ADAM9: variants seen among roughly 807,000 people sequenced by gnomAD.
ADAM9 encodes the protein disintegrin and metalloproteinase domain-containing protein 9.
Under a neutral mutation model 108.1 loss-of-function variants are expected in ADAM9, and 54 were observed. The ratio of observed to expected loss-of-function variants is 0.50; its 90% CI spans 0.40 to 0.63. The LOEUF (loss-of-function observed/expected upper bound fraction) is 0.63. Ranked by LOEUF, ADAM9 falls within the 20% of genes least tolerant of loss-of-function variation. The pLI is 0.00. For synonymous variants in ADAM9, 316 were observed against 336.0 expected (o/e 0.94, Z 0.65); for missense variants, 830 against 997.7 (o/e 0.83, Z 2.26).
In ADAM9 at chr8:39,064,216, G is replaced by C. The variant is rs527481298; in HGVS notation, c.1592-7082G>C. Among the ~76,000 whole-genome samples, 43 of 152,246 alleles carry C rather than the reference G, an allele frequency of 2.8e-4. 1 individual carries two copies. In the South Asian group the frequency reaches 6.6e-3, roughly 23 times the overall value. On this transcript the variant is annotated intron_variant, in intron 14 of 21. Coordinates refer to ENST00000487273, the MANE Select transcript of ADAM9 (RefSeq NM_003816.3). The stretch of plus-strand genomic sequence containing the variant: ...GACTGCAATTACCATATCATGCCGT[G>C]AACTATCAGTGCTACGTTAACTTTT...
Position 39,104,639 on chromosome 8 carries a change from A to G in ADAM9, c.*939A>G, listed in dbSNP as rs1289894778. 1 of 445,782 alleles carries G rather than the reference A, an allele frequency of 2.2e-6. No homozygotes were observed. The highest frequency in any genetic ancestry group is 4.5e-6 in the Non-Finnish European group (1 of 224,212). 27.6% of individuals were successfully genotyped at this position (445,782 alleles called of 1,614,324 possible). ...AACTTTCAAAGCTTGCTATTAAATC[A>G]TTTAGAATGTTTACATTTACTAAGG... is the stretch of plus-strand genomic sequence containing the variant. On this transcript the variant is annotated 3_prime_UTR_variant, in exon 22 of 22. Coordinates refer to ENST00000487273, the MANE Select transcript of ADAM9 (RefSeq NM_003816.3).
At chr8:39,015,919 G>A (rs1055843031) in intron 4 of ADAM9, 199 bp from the exon 5 acceptor site, 2 of 570,468 alleles carry the variant, frequency 3.5e-6, no homozygotes, top group Non-Finnish European at 6.2e-6. Context: ...AAACATTTGT[G>A]TACTCATAGG....
rs183163569 is a variant in ADAM9, at chr8:39,078,238, G to A, written c.1881+827G>A. On this transcript the variant is annotated intron_variant, in intron 16 of 21. Transcript: ENST00000487273. ...TCCTTGCAACTAAATAAACTTGATC[G>A]TTGCAGCTGTTATAAACAATGATAA... 6.6e-5 allele frequency among the ~76,000 whole-genome samples: 10 copies of A among 151,898 alleles called. No homozygotes were observed. In the East Asian group the frequency reaches 9.7e-4, roughly 15 times the overall value.
rs749551951 is a variant in ADAM9, at chr8:39,016,141, T to C, written c.357T>C (p.Tyr119=). Residue 119 remains tyrosine, a synonymous_variant, in exon 5 of 22, where the codon TAT becomes TAC. Coordinates refer to ENST00000487273, the MANE Select transcript of ADAM9 (RefSeq NM_003816.3). ...NIQNHCHYRG[Y]VEGVHNSSIA... ...AGAATCATTGTCATTATCGGGGCTA[T>C]GTGGAGGGAGTTCATAATTCATCCA... The C allele has an allele frequency of 6.2e-7, 1 of 1,613,764 alleles. No homozygotes were observed. The highest frequency in any genetic ancestry group is 8.5e-7 in the Non-Finnish European group (1 of 1,179,814).
chr8:38,999,375 A>G (rs1490752042), intron 1 of ADAM9, among the ~76,000 whole-genome samples: 2 of 152,148 alleles, frequency 1.3e-5, no homozygotes, highest in Non-Finnish European at 2.9e-5. Flanking sequence ...TCATTGTAAA[A>G]AATAAGCGGA....
intron 11 of ADAM9, among the ~76,000 whole-genome samples, chr8:39,027,621 T>A (rs1028322176): frequency 3.3e-5 from 5 of 152,266 alleles, no homozygotes; most frequent in Non-Finnish European, 7.4e-5. Context: ...CCCATGGTGG[T>A]TGGGCATCAG....
intron 7 of ADAM9, among the ~76,000 whole-genome samples, chr8:39,020,167 C>G (rs1836688400): frequency 6.6e-6 from 1 of 152,094 alleles, no homozygotes; most frequent in African/African-American, 2.4e-5. Context: ...CGCCTGTGAT[C>G]CCAGAACCCG....
At chr8:39,039,862 G>A (rs1837403462) in intron 11 of ADAM9, among the ~76,000 whole-genome samples, 1 of 152,056 alleles carries the variant, frequency 6.6e-6, no homozygotes, top group Non-Finnish European at 1.5e-5. Flanking sequence ...TTTATGAGGT[G>A]GTGTTTTCAT....
At position 39,029,644 on chromosome 8, in the gene ADAM9, A is replaced by T. The variant is rs963267042; in HGVS notation, c.1130+2834A>T. 4.6e-5 allele frequency among the ~76,000 whole-genome samples: 7 copies of T among 152,212 alleles called. No homozygotes were observed. In the East Asian group the frequency reaches 1.3e-3, roughly 29 times the overall value. On this transcript the variant is annotated intron_variant, in intron 11 of 21. Transcript: ENST00000487273. ...CTTTTTGGCACCTGTTGAGATGATT[A>T]TGTGACTTTGATCCTTGATTCTGTT...
intron 11 of ADAM9, among the ~76,000 whole-genome samples, chr8:39,037,724 T>C (rs954888821): frequency 6.6e-6 from 1 of 152,174 alleles, no homozygotes; most frequent in Non-Finnish European, 1.5e-5. Flanking sequence ...GAAAACATTA[T>C]TGCATGTATA....
rs999587835 is a variant in ADAM9 at position 38,999,340 on chromosome 8, T to C, written c.97+2180T>C. ...AACTTTCAGTAAACTTTTTTTTTTT[T>C]TTTAAACTGACAAAGGTAACTGTGT... On this transcript the variant is annotated intron_variant, in intron 1 of 21. Coordinates refer to ENST00000487273, the MANE Select transcript of ADAM9 (RefSeq NM_003816.3). 1.8e-4 allele frequency among the ~76,000 whole-genome samples: 28 copies of C among 152,300 alleles called. No individual in the cohort carries two copies. The East Asian group carries it at 5.4e-3, about 29-fold the overall frequency.
Position 39,021,734 on chromosome 8 carries a change from A to G in ADAM9, c.744+20A>G. The G allele has an allele frequency of 6.3e-7, 1 of 1,595,290 alleles. No homozygotes were observed. Among genetic ancestry groups the G allele is most frequent in the Non-Finnish European group, 8.6e-7 (1 of 1,163,124 alleles). ...GATAGTGTAAGTTGTATTTTCTATC[A>G]ACCAGGATGATTCTGTCCTATTCTT... On this transcript the variant is annotated intron_variant, in intron 8 of 21. Coordinates refer to ENST00000487273, the MANE Select transcript of ADAM9 (RefSeq NM_003816.3).
intron 21 of ADAM9, among the ~76,000 whole-genome samples, chr8:39,102,680 GGT>G (rs1839737244): frequency 6.6e-6 from 1 of 152,106 alleles, no homozygotes; most frequent in Non-Finnish European, 1.5e-5. Context: ...AGACTGAGAT[GGT>G]ATCCAGTTAA....
chr8:39,100,182 T>C (rs982969712), intron 20 of ADAM9, among the ~76,000 whole-genome samples: 36 of 151,958 alleles, frequency 2.4e-4, no homozygotes, highest in Non-Finnish European at 3.4e-4. Flanking sequence ...TTTTGGTCTA[T>C]GTATACCTTG....
chr8:39,070,436 A>G (rs1051629221), intron 14 of ADAM9, among the ~76,000 whole-genome samples: 2 of 152,060 alleles, frequency 1.3e-5, no homozygotes, highest in Non-Finnish European at 2.9e-5. Flanking sequence ...TTTTACCTTC[A>G]TTTGCTATAC....
intron 8 of ADAM9, among the ~76,000 whole-genome samples, chr8:39,022,069 TG>T (rs1564253855): frequency 6.0e-4 from 74 of 123,414 alleles, no homozygotes; most frequent in African/African-American, 3.3e-3. Context: ...AATATTTGTG[TG>T]TGTGTGTGTG....
chr8:39,097,792 C>T (rs768172084), intron 20 of ADAM9, among the ~76,000 whole-genome samples: 4 of 152,144 alleles, frequency 2.6e-5, no homozygotes, highest in Non-Finnish European at 4.4e-5. Flanking sequence ...TGACTTTAGG[C>T]AAGATTCTCA....
At chr8:39,012,541 C>T (rs1414770879) in intron 3 of ADAM9, among the ~76,000 whole-genome samples, 3 of 152,146 alleles carry the variant, frequency 2.0e-5, no homozygotes, top group African/African-American at 7.2e-5. Context: ...GACTTGGAAC[C>T]AACCCAAATG....
intron 20 of ADAM9, among the ~76,000 whole-genome samples, chr8:39,098,388 G>C (rs1839577184): frequency 6.6e-6 from 1 of 152,052 alleles, no homozygotes; most frequent in Non-Finnish European, 1.5e-5. Context: ...ACTCTTTCAT[G>C]CATTTCTTGC....
Sources: allele counts gnomAD v4.1 joint callset (sites outside exome capture counted in the v4.1 genomes callset), GRCh38; gene constraint gnomAD v4.1.1; transcripts MANE v1.5; gene names NCBI Gene and HGNC (gene_info 2026-07-23, HGNC 2026-07-21).